LINGO2: variants seen among roughly 807,000 people sequenced by gnomAD.
LINGO2 encodes leucine-rich repeat and immunoglobulin-like domain-containing nogo receptor-interacting protein 2.
A neutral mutation model predicts 30.6 loss-of-function variants in LINGO2; 14 were observed. That is an observed-to-expected ratio of 0.46 (90% CI 0.30 to 0.72). LINGO2 has a LOEUF of 0.72. Among genes scored for constraint, LINGO2 ranks in the 30% least tolerant of loss-of-function variants. The probability of loss-of-function intolerance (pLI) is 0.07; values close to 1 mark genes in which losing one functional copy is unlikely to be tolerated. For synonymous variants in LINGO2, 317 were observed against 288.5 expected (o/e 1.10, Z -1.00); for missense variants, 729 against 751.7 (o/e 0.97, Z 0.35).
At chr9:28,661,079 T>A (rs919179290) in intron 1 of LINGO2, among the ~76,000 whole-genome samples, 5 of 152,028 alleles carry the variant, frequency 3.3e-5, no homozygotes, top group African/African-American at 1.2e-4. Context: ...AGAGGTGGAG[T>A]CTATTTGTCT....
chr9:28,768,767 G>A, the LINGO2 span, among the ~76,000 whole-genome samples: 2 of 151,782 alleles, frequency 1.3e-5, no homozygotes, highest in Admixed American at 6.6e-5. Context: ...GGCTTTTACT[G>A]AACTTCTTGA....
intron 4 of LINGO2, among the ~76,000 whole-genome samples, chr9:28,264,109 A>G (rs1822663056): frequency 6.6e-6 from 1 of 151,812 alleles, no homozygotes; most frequent in Non-Finnish European, 1.5e-5. Context: ...TCATCTTTGT[A>G]ATAAAATATA....
chr9:28,546,051 A>G (rs1464952867), intron 1 of LINGO2, among the ~76,000 whole-genome samples: 1 of 152,096 alleles, frequency 6.6e-6, no homozygotes, highest in African/African-American at 2.4e-5. Context: ...AAAGACAAAT[A>G]CTTCATGATC....
chr9:28,009,105 T>C (rs1238222884), intron 5 of LINGO2, among the ~76,000 whole-genome samples: 1 of 150,414 alleles, frequency 6.6e-6, no homozygotes, highest in Non-Finnish European at 1.5e-5. Flanking sequence ...TAGAAATAAA[T>C]TTGTTGTTTT....
At chr9:28,394,759 T>C (rs1303520968) in intron 2 of LINGO2, among the ~76,000 whole-genome samples, 1 of 152,214 alleles carries the variant, frequency 6.6e-6, no homozygotes. Context: ...TAGATTCTTA[T>C]TAAGAAAGAA....
intron 1 of LINGO2, among the ~76,000 whole-genome samples, chr9:28,590,057 G>T (rs1344465977): frequency 2.0e-5 from 3 of 152,082 alleles, no homozygotes; most frequent in Non-Finnish European, 4.4e-5. Flanking sequence ...AATGGGGAAA[G>T]GAATCCCTAT....
chr9:28,402,279 CCT>C (rs1341025982), intron 2 of LINGO2, among the ~76,000 whole-genome samples: 2 of 152,034 alleles, frequency 1.3e-5, no homozygotes, highest in African/African-American at 4.8e-5. Context: ...ATTTGTATTT[CCT>C]CTCTCTTTTC....
chr9:28,098,862 T>G (rs1587845268), intron 4 of LINGO2, among the ~76,000 whole-genome samples: 1 of 152,144 alleles, frequency 6.6e-6, no homozygotes, highest in South Asian at 2.1e-4. Flanking sequence ...TAATGGATGG[T>G]GCTGATATGG....
chr9:28,223,086 C>T (rs1424782829), intron 4 of LINGO2, among the ~76,000 whole-genome samples: 1 of 152,158 alleles, frequency 6.6e-6, no homozygotes, highest in Non-Finnish European at 1.5e-5. Flanking sequence ...GGGACTTGCA[C>T]TCAGTTAGGC....
At chr9:28,242,536 T>G (rs1164747980) in intron 4 of LINGO2, among the ~76,000 whole-genome samples, 6 of 152,008 alleles carry the variant, frequency 3.9e-5, no homozygotes, top group Non-Finnish European at 7.4e-5. Context: ...TGGATTCAAG[T>G]TGAAAAACAC....
chr9:28,596,847 A>G (rs1347133832), intron 1 of LINGO2, among the ~76,000 whole-genome samples: 2 of 152,136 alleles, frequency 1.3e-5, no homozygotes, highest in Non-Finnish European at 2.9e-5. Context: ...TCTTTTCAGG[A>G]CAGCTGGATT....
chr9:29,192,942 G>A, the LINGO2 span, among the ~76,000 whole-genome samples: 3 of 152,122 alleles, frequency 2.0e-5, no homozygotes, highest in Admixed American at 2.0e-4. Flanking sequence ...CAGGCGTTGT[G>A]GTATCTTAGA....
chr9:28,362,754 C>A (rs1249501763), intron 3 of LINGO2, among the ~76,000 whole-genome samples: 1 of 152,126 alleles, frequency 6.6e-6, no homozygotes, highest in African/African-American at 2.4e-5. Context: ...CAGGTGTGAG[C>A]CACCACGCCC....
intron 5 of LINGO2, among the ~76,000 whole-genome samples, chr9:27,971,216 T>C (rs1224462395): frequency 6.6e-6 from 1 of 151,940 alleles, no homozygotes; most frequent in African/African-American, 2.4e-5. Context: ...TTTTCACTTC[T>C]TTTTCTTGTC....
At chr9:28,149,321 GA>G in intron 4 of LINGO2, 1 of 549,216 alleles carries the variant, frequency 1.8e-6, no homozygotes. Context: ...CACCATCTGG[GA>G]AGTGAGGAGC....
downstream of LINGO2, among the ~76,000 whole-genome samples, chr9:27,946,935 C>T (rs1823386872): frequency 6.6e-6 from 1 of 151,922 alleles, no homozygotes; most frequent in Non-Finnish European, 1.5e-5. Flanking sequence ...TTATTGGGGT[C>T]AATTTAATTT....
the LINGO2 span, among the ~76,000 whole-genome samples, chr9:28,920,827 G>A: frequency 1.6e-4 from 24 of 152,094 alleles, no homozygotes; most frequent in African/African-American, 5.3e-4. Context: ...TAAACCCCTG[G>A]CCACACACTT....
At chr9:28,880,781 A>T in the LINGO2 span, among the ~76,000 whole-genome samples, 1 of 152,136 alleles carries the variant, frequency 6.6e-6, no homozygotes, top group Non-Finnish European at 1.5e-5. Context: ...CAATTCTAAG[A>T]TAGGAGAAAA....
At chr9:28,009,353 G>T (rs1033373724) in intron 5 of LINGO2, among the ~76,000 whole-genome samples, 1 of 51,574 alleles carries the variant, frequency 1.9e-5, no homozygotes, top group African/African-American at 6.7e-5. Flanking sequence ...AAGCACAAGT[G>T]ATAAAAAAAA....
Sources: allele counts gnomAD v4.1 joint callset (sites outside exome capture counted in the v4.1 genomes callset), GRCh38; gene constraint gnomAD v4.1.1; transcripts MANE v1.5; gene names NCBI Gene and HGNC (gene_info 2026-07-23, HGNC 2026-07-21).